PDE10A: variants seen among roughly 807,000 people sequenced by gnomAD.
PDE10A encodes cAMP and cAMP-inhibited cGMP 3',5'-cyclic phosphodiesterase 10A.
A neutral mutation model predicts 97.7 loss-of-function variants in PDE10A; 39 were observed. The ratio of observed to expected loss-of-function variants is 0.40; its 90% CI spans 0.31 to 0.52. PDE10A has a LOEUF of 0.52. Ranked by LOEUF, PDE10A falls within the 20% of genes least tolerant of loss-of-function variation. The pLI is 0.56. For synonymous variants in PDE10A, 371 were observed against 376.8 expected (o/e 0.98, Z 0.18); for missense variants, 731 against 1,047.8 (o/e 0.70, Z 4.17).
intron 1 of PDE10A, among the ~76,000 whole-genome samples, chr6:165,707,229 C>T (rs144096088): frequency 0.015 from 2,354 of 152,294 alleles, 83 homozygotes; most frequent in African/African-American, 0.053. Flanking sequence ...CCAGCTGCTG[C>T]GGCTCCCCCA....
intron 1 of PDE10A, among the ~76,000 whole-genome samples, chr6:165,816,168 C>G (rs1164271160): frequency 6.6e-6 from 1 of 152,172 alleles, no homozygotes; most frequent in Non-Finnish European, 1.5e-5. Flanking sequence ...CCAGGATGCT[C>G]TCAATCTCCT....
intron 1 of PDE10A, among the ~76,000 whole-genome samples, chr6:165,572,726 C>T (rs1362784247): frequency 2.6e-5 from 4 of 152,190 alleles, no homozygotes; most frequent in African/African-American, 9.7e-5. Context: ...CATGGTGAAA[C>T]CCCGGAGGCT....
intron 2 of PDE10A, among the ~76,000 whole-genome samples, chr6:165,537,348 G>A (rs1013983432): frequency 1.3e-5 from 2 of 151,864 alleles, no homozygotes; most frequent in Non-Finnish European, 2.9e-5. Context: ...TATATAGAAG[G>A]AATAAGATCT....
At chr6:165,479,874 C>A (rs1230759966) in intron 3 of PDE10A, among the ~76,000 whole-genome samples, 3 of 152,112 alleles carry the variant, frequency 2.0e-5, no homozygotes, top group Non-Finnish European at 4.4e-5. Context: ...ACAGGTCTGA[C>A]TTCATGAAAA....
At chr6:165,710,942 A>C (rs1791879953) in intron 1 of PDE10A, among the ~76,000 whole-genome samples, 1 of 152,226 alleles carries the variant, frequency 6.6e-6, no homozygotes, top group East Asian at 1.9e-4. Flanking sequence ...GGTCCCGGCT[A>C]AGAGCCGTAA....
chr6:165,372,651 G>T (rs1203374700), intron 18 of PDE10A, among the ~76,000 whole-genome samples: 1 of 150,178 alleles, frequency 6.7e-6, no homozygotes, highest in Non-Finnish European at 1.5e-5. Context: ...TCGCCATACT[G>T]CCCAAGGTAA....
chr6:165,343,507 A>G lies in PDE10A; in HGVS notation c.2784-5T>C. ...ATCAAACCAATTACACGGTCTCTAG[A>G]ACACAACAATATAAGACTGGTCAGC... On this transcript the variant is annotated splice_region_variant and splice_polypyrimidine_tract_variant and intron_variant, in intron 18 of 21. Coordinates refer to ENST00000539869, the MANE Select transcript of PDE10A (RefSeq NM_001385079.1). 6.3e-7 allele frequency: 1 copy of G among 1,595,810 alleles called. No individual in the cohort carries two copies. The highest frequency in any genetic ancestry group is 8.6e-7 in the Non-Finnish European group (1 of 1,163,356).
rs1165449066 is a variant in PDE10A, at chr6:165,984,045, G to A, written c.-615+3484C>T. On this transcript the variant is annotated intron_variant, in intron 1 of 19. Transcript: ENST00000366882. Reference sequence around the variant, plus strand: ...AAAGAAATACATTCCCAACTCCATGGTAGTGGAGTGTTCACCCTTCAATGG... The same window carrying A: ...AAAGAAATACATTCCCAACTCCATGATAGTGGAGTGTTCACCCTTCAATGG... 2.6e-5 allele frequency among the ~76,000 whole-genome samples: 4 copies of A among 152,242 alleles called. No homozygotes were observed. The East Asian group carries it at 7.7e-4, about 29-fold the overall frequency.
intron 2 of PDE10A, among the ~76,000 whole-genome samples, chr6:165,485,467 C>CAAAAAA (rs534131585): frequency 1.0e-4 from 5 of 50,098 alleles, no homozygotes; most frequent in Admixed American, 2.0e-4. Flanking sequence ...GACTCTGTCT[C>CAAAAAA]AAAAAAAAAA....
intron 1 of PDE10A, among the ~76,000 whole-genome samples, chr6:165,820,325 G>T (rs149885329): frequency 7.6e-4 from 116 of 152,304 alleles, no homozygotes; most frequent in African/African-American, 2.6e-3. Flanking sequence ...AGGAAAAGAA[G>T]AATAGGAATC....
At chr6:165,964,196 A>AC (rs1784440205) in intron 1 of PDE10A, among the ~76,000 whole-genome samples, 1 of 152,134 alleles carries the variant, frequency 6.6e-6, no homozygotes, top group African/African-American at 2.4e-5. Flanking sequence ...GTCAAGGTTT[A>AC]CCCCAAATAA....
At chr6:165,883,986 C>T (rs2128480905) in intron 1 of PDE10A, among the ~76,000 whole-genome samples, 1 of 152,238 alleles carries the variant, frequency 6.6e-6, no homozygotes, top group East Asian at 1.9e-4. Context: ...GGAGAGAAAG[C>T]CCACCAGCAC....
intron 2 of PDE10A, among the ~76,000 whole-genome samples, chr6:165,488,784 G>T (rs2128285811): frequency 6.6e-6 from 1 of 152,286 alleles, no homozygotes. Flanking sequence ...CTCCACGGGA[G>T]CTGGGTGAGG....
intron 1 of PDE10A, among the ~76,000 whole-genome samples, chr6:165,820,953 G>T (rs1779552072): frequency 6.6e-6 from 1 of 152,228 alleles, no homozygotes; most frequent in Non-Finnish European, 1.5e-5. Flanking sequence ...TGTCAATTTA[G>T]ACAGCTTAAT....
chr6:165,468,190 T>C (rs1778771175), intron 3 of PDE10A, among the ~76,000 whole-genome samples: 1 of 152,152 alleles, frequency 6.6e-6, no homozygotes, highest in Non-Finnish European at 1.5e-5. Context: ...GCGATTCTCC[T>C]GCCTCAGCCT....
intron 1 of PDE10A, among the ~76,000 whole-genome samples, chr6:165,812,859 C>T (rs1779316924): frequency 6.6e-6 from 1 of 152,068 alleles, no homozygotes; most frequent in Non-Finnish European, 1.5e-5. Context: ...TAACTTCTCT[C>T]CTGTAAATTG....
intron 1 of PDE10A, among the ~76,000 whole-genome samples, chr6:165,573,925 T>C (rs1210203338): frequency 6.6e-6 from 1 of 152,238 alleles, no homozygotes; most frequent in Admixed American, 6.5e-5. Context: ...CCCTGGCTTA[T>C]GACAATGCAC....
At position 165,399,530 on chromosome 6, in the gene PDE10A, C is replaced by G. The variant is rs181274794; in HGVS notation, c.2077-3071G>C. 3.3e-5 allele frequency among the ~76,000 whole-genome samples: 5 copies of G among 152,198 alleles called. No homozygotes were observed. The East Asian group carries it at 9.7e-4, about 29-fold the overall frequency. On this transcript the variant is annotated intron_variant, in intron 13 of 21. Transcript: ENST00000539869. ...ATGTGCCATGTTGGTGTGCTGCACC[C>G]ATCAACCCGTCATTTAACATTAGGT...
intron 3 of PDE10A, among the ~76,000 whole-genome samples, 180 bp from the exon 4 acceptor site, chr6:165,450,542 T>G (rs141608730): frequency 6.6e-6 from 1 of 152,102 alleles, no homozygotes. Context: ...GATTGAAAAT[T>G]AAAATTGCTA....
Sources: gnomAD v4.1 joint callset for allele counts (sites outside exome capture counted in the v4.1 genomes callset) on GRCh38, gnomAD v4.1.1 for gene constraint, MANE v1.5 for transcripts, NCBI Gene and HGNC (gene_info 2026-07-23, HGNC 2026-07-21) for gene names.